SLC39A11: variants seen among roughly 807,000 people sequenced by gnomAD.
The protein encoded by SLC39A11 is solute carrier family 39 member 11.
Under a neutral mutation model 36.1 loss-of-function variants are expected in SLC39A11, and 33 were observed. The observed-to-expected ratio is 0.91, with a 90% CI of 0.69 to 1.22. SLC39A11 has a LOEUF of 1.22. Ranked by LOEUF, SLC39A11 falls within the 50% of genes most tolerant of loss-of-function variation. The pLI is 0.00. For missense variants in SLC39A11, 432 were observed against 430.3 expected (o/e 1.00, Z -0.03); for synonymous variants, 166 against 170.3 (o/e 0.97, Z 0.20).
intron 4 of SLC39A11, among the ~76,000 whole-genome samples, chr17:73,000,753 A>G (rs182170534): frequency 3.3e-5 from 5 of 152,308 alleles, no homozygotes; most frequent in African/African-American, 4.8e-5. Flanking sequence ...AAAATCCTAC[A>G]TTGACTCTCA....
intron 3 of SLC39A11, among the ~76,000 whole-genome samples, chr17:73,032,576 G>A (rs1409234653): frequency 6.6e-6 from 1 of 152,108 alleles, no homozygotes; most frequent in Non-Finnish European, 1.5e-5. Context: ...CCACTGTATT[G>A]TAACACAGGT....
At chr17:72,858,785 T>C (rs559164535) in intron 5 of SLC39A11, among the ~76,000 whole-genome samples, 2 of 152,332 alleles carry the variant, frequency 1.3e-5, no homozygotes, top group South Asian at 4.1e-4. Flanking sequence ...AGCTTGGCTA[T>C]TGTTGGCATA....
intron 4 of SLC39A11, among the ~76,000 whole-genome samples, chr17:72,996,507 C>T (rs560485088): frequency 2.0e-5 from 3 of 152,176 alleles, no homozygotes; most frequent in Non-Finnish European, 4.4e-5. Context: ...ATCCTTCTTG[C>T]ATCTTCCAGC....
chr17:73,010,827 G>C (rs2090467460), intron 4 of SLC39A11, among the ~76,000 whole-genome samples: 1 of 152,188 alleles, frequency 6.6e-6, no homozygotes, highest in Admixed American at 6.5e-5. Context: ...GCGGTCAATT[G>C]CAACGGGCAT....
intron 3 of SLC39A11, chr17:73,068,070 C>T (rs903351229): frequency 2.0e-5 from 30 of 1,512,892 alleles, no homozygotes; most frequent in Non-Finnish European, 2.5e-5. Context: ...CGCTCTACTG[C>T]CCACTTCTTT....
At chr17:72,677,810 G>C (rs2071338689) in intron 7 of SLC39A11, among the ~76,000 whole-genome samples, 1 of 152,188 alleles carries the variant, frequency 6.6e-6, no homozygotes, top group African/African-American at 2.4e-5. Context: ...GCCAGGAATT[G>C]CAAGTAGAGG....
At chr17:72,660,927 G>C (rs751460787) in intron 7 of SLC39A11, among the ~76,000 whole-genome samples, 12 of 152,322 alleles carry the variant, frequency 7.9e-5, no homozygotes, top group Admixed American at 3.9e-4. Flanking sequence ...GACCAACCCT[G>C]ATTGAGACCC....
At chr17:73,023,185 G>A (rs558600310) in intron 4 of SLC39A11, among the ~76,000 whole-genome samples, 52 of 151,626 alleles carry the variant, frequency 3.4e-4, no homozygotes, top group Non-Finnish European at 6.5e-4. Flanking sequence ...CCAACTAACA[G>A]CTGAGCTCCT....
intron 5 of SLC39A11, among the ~76,000 whole-genome samples, chr17:72,866,135 G>T (rs139859068): frequency 1.3e-5 from 2 of 152,164 alleles, no homozygotes; most frequent in Non-Finnish European, 2.9e-5. Context: ...ATTGACAGCC[G>T]CTCCCCATCG....
chr17:72,934,698 T>G (rs2084637037), intron 5 of SLC39A11, among the ~76,000 whole-genome samples: 1 of 151,948 alleles, frequency 6.6e-6, no homozygotes, highest in African/African-American at 2.4e-5. Context: ...TCTACCATAA[T>G]TAAACAAATG....
intron 7 of SLC39A11, among the ~76,000 whole-genome samples, chr17:72,652,421 G>A (rs1419354862): frequency 1.3e-5 from 2 of 152,204 alleles, no homozygotes; most frequent in Non-Finnish European, 2.9e-5. Flanking sequence ...TCCAACTGCA[G>A]AATTTGAAGA....
chr17:72,793,428 G>C (rs2076783209), intron 6 of SLC39A11, among the ~76,000 whole-genome samples: 1 of 151,872 alleles, frequency 6.6e-6, no homozygotes, highest in Non-Finnish European at 1.5e-5. Context: ...TGAATTGCCT[G>C]GTACCCTAAG....
chr17:73,000,676 C>G (rs1378889424), intron 4 of SLC39A11, among the ~76,000 whole-genome samples: 3 of 152,144 alleles, frequency 2.0e-5, no homozygotes, highest in Admixed American at 6.5e-5. Flanking sequence ...AACCCAGAAC[C>G]CTGACTGAGG....
At chr17:72,868,342 G>C (rs1464249705) in intron 5 of SLC39A11, among the ~76,000 whole-genome samples, 2 of 151,210 alleles carry the variant, frequency 1.3e-5, no homozygotes, top group Non-Finnish European at 2.9e-5. Flanking sequence ...AATATTCAGA[G>C]GGAAAAAATA....
In SLC39A11 at chr17:72,867,706, C is replaced by T. The variant is rs528790586; in HGVS notation, c.431-17902G>A. On this transcript the variant is annotated intron_variant, in intron 5 of 9. Transcript: ENST00000255559. The stretch of plus-strand genomic sequence containing the variant: ...TCTTGAGCCAGGCCATACCCACACA[C>T]AAGAAAGGGCTGTTCCTCAAGACAG... 2.5e-4 allele frequency among the ~76,000 whole-genome samples: 38 copies of T among 152,148 alleles called. 1 individual carries two copies. The South Asian group carries it at 7.7e-3, about 31-fold the overall frequency.
At chr17:72,926,884 G>T (rs142503708) in intron 5 of SLC39A11, among the ~76,000 whole-genome samples, 1 of 152,200 alleles carries the variant, frequency 6.6e-6, no homozygotes, top group African/African-American at 2.4e-5. Context: ...GAGGTGAGAA[G>T]CAGACTCAAA....
At chr17:73,001,202 C>T (rs1355404611) in intron 4 of SLC39A11, among the ~76,000 whole-genome samples, 1 of 151,996 alleles carries the variant, frequency 6.6e-6, no homozygotes, top group African/African-American at 2.4e-5. Context: ...TCTATAGTTG[C>T]TACCTTTGTG....
intron 7 of SLC39A11, among the ~76,000 whole-genome samples, chr17:72,713,239 C>G (rs946652079): frequency 2.0e-5 from 3 of 152,126 alleles, no homozygotes; most frequent in African/African-American, 7.2e-5. Flanking sequence ...AGATTAGGAG[C>G]CACAGTCCTA....
chr17:72,720,362 G>C (rs1265359778), intron 7 of SLC39A11, among the ~76,000 whole-genome samples: 1 of 152,198 alleles, frequency 6.6e-6, no homozygotes, highest in East Asian at 1.9e-4. Flanking sequence ...GGAGGGCAGA[G>C]CAGCCAGGCA....
Sources: allele counts gnomAD v4.1 joint callset (sites outside exome capture counted in the v4.1 genomes callset), GRCh38; gene constraint gnomAD v4.1.1; transcripts MANE v1.5; gene names NCBI Gene and HGNC (gene_info 2026-07-23, HGNC 2026-07-21).